CERS2: variants seen among roughly 807,000 people sequenced by gnomAD.
The protein encoded by CERS2 is ceramide synthase 2.
A neutral mutation model predicts 56.6 loss-of-function variants in CERS2; 20 were observed. That is an observed-to-expected ratio of 0.35 (90% confidence interval 0.25 to 0.51). CERS2 has a LOEUF of 0.51. Among genes scored for constraint, CERS2 ranks in the 20% least tolerant of loss-of-function variants. The pLI, the probability that CERS2 is intolerant of heterozygous loss-of-function variation, is 0.96. For missense variants in CERS2, 361 were observed against 488.6 expected (o/e 0.74, Z 2.46); for synonymous variants, 187 against 175.4 (o/e 1.07, Z -0.52).
intron 1 of CERS2, 177 bp downstream of exon 1, chr1:150,974,442 G>T (rs1177402282): frequency 6.7e-6 from 1 of 148,398 alleles, no homozygotes; most frequent in South Asian, 1.9e-4. Context: ...CCGCCGCCAT[G>T]AGCGCCCGCA....
At chr1:150,966,407 A>C (rs769422073) in intron 10 of CERS2, 69 bp downstream of exon 10, 10 of 1,601,392 alleles carry the variant, frequency 6.2e-6, no homozygotes, top group Non-Finnish European at 8.5e-6. Flanking sequence ...TTAGAGAGTT[A>C]CTGGCAAGAT....
At position 150,967,471 on chromosome 1, in the gene CERS2, G is replaced by C; in HGVS notation, c.533C>G (p.Ser178Cys). Residue 178 changes from serine (S) to cysteine (C), a missense_variant, in exon 7 of 11, where the codon TCC (serine) becomes TGC (cysteine). Physicochemically the swap from Ser to Cys is moderately radical, Grantham distance 112. Transcript: ENST00000368954. ...TTCAATCATGTAGTACCAATACTGGGAAGGGATAGTGCTCTGGGAGAGGAG... is the reference window on the plus strand; with the variant it reads ...TTCAATCATGTAGTACCAATACTGGCAAGGGATAGTGCTCTGGGAGAGGAG... ...EGYPIQSTIP[S>C]QYWYYMIELS... 1 of 1,587,354 alleles carries C rather than the reference G, an allele frequency of 6.3e-7. No individual in the cohort carries two copies.
chr1:150,967,461 C>T lies in CERS2; in HGVS notation c.543G>A (p.Trp181Ter). The T allele has an allele frequency of 6.3e-7, 1 of 1,595,958 alleles. No individual in the cohort carries two copies. The highest frequency in any genetic ancestry group is 8.6e-7 in the Non-Finnish European group (1 of 1,163,502). Reference protein sequence around the residue: ...PIQSTIPSQYWYYMIELSFYW... With the variant: ...PIQSTIPSQY Reference sequence around the variant, plus strand: ...AGAAGGAAAGTTCAATCATGTAGTACCAATACTGGGAAGGGATAGTGCTCT... The same window carrying T: ...AGAAGGAAAGTTCAATCATGTAGTATCAATACTGGGAAGGGATAGTGCTCT... The change falls in exon 7 of 11, where the codon TGG (tryptophan) becomes TGA (stop). Residue 181 changes from tryptophan to a stop codon, truncating the protein, a stop_gained. Coordinates refer to ENST00000368954, the MANE Select transcript of CERS2 (RefSeq NM_022075.5). LOFTEE classifies it high-confidence loss of function.
intron 3 of CERS2, 22 bp from the exon 4 acceptor site, chr1:150,968,223 ATTG>A (rs1452313522): frequency 1.2e-6 from 2 of 1,604,876 alleles, no homozygotes; most frequent in Middle Eastern, 1.7e-4. Flanking sequence ...GAAGAAGCCC[ATTG>A]TTATGTTTAC....
rs760253427 is a variant in CERS2, at chr1:150,967,470, G to C, written c.534C>G (p.Ser178=). Residue 178 remains serine, a synonymous_variant, in exon 7 of 11, where the codon TCC becomes TCG. Transcript: ENST00000368954. ...GTTCAATCATGTAGTACCAATACTG[G>C]GAAGGGATAGTGCTCTGGGAGAGGA... The part of the protein sequence containing the change: ...EGYPIQSTIP[S]QYWYYMIELS... The C allele has an allele frequency of 6.3e-7, 1 of 1,587,302 alleles. No homozygotes were observed. Among genetic ancestry groups the C allele is most frequent in the Admixed American group, 1.7e-5 (1 of 59,968 alleles).
At position 150,965,599 on chromosome 1, in the gene CERS2, G is replaced by GCCTAC. The variant is rs1415398455; in HGVS notation, c.*548_*549insGTAGG. 1 of 152,924 alleles carries GCCTAC rather than the reference G, an allele frequency of 6.5e-6. No homozygotes were observed. The highest frequency in any genetic ancestry group is 1.5e-5 in the Non-Finnish European group (1 of 68,328). 9.5% of individuals were successfully genotyped at this position (152,924 alleles called of 1,614,324 possible). ...AGTACAGCCCCCACTTTTTGGCAGA[G>GCCTAC]GTAGGGTAAGGGTTATGTGCACCCT... On this transcript the variant is annotated 3_prime_UTR_variant, in exon 11 of 11. Transcript: ENST00000368954.
chr1:150,966,976 T>C, intron 8 of CERS2, 98 bp downstream of exon 8: 2 of 1,504,306 alleles, frequency 1.3e-6, no homozygotes, highest in Middle Eastern at 2.1e-4. Context: ...GTCCCAGGAA[T>C]GTCATCCTCC....
At position 150,965,795 on chromosome 1, in the gene CERS2, CAA is replaced by C. The variant is rs1171359599; in HGVS notation, c.*351_*352del. On this transcript the variant is annotated 3_prime_UTR_variant, in exon 11 of 11. Transcript: ENST00000368954. ...ACCCTGGCTCTGGAGGTCAGGGAGTCAAAGGCAAACAGCTGGGGCCAAATTCT... is the reference window on the plus strand; with the variant it reads ...ACCCTGGCTCTGGAGGTCAGGGAGTCAGGCAAACAGCTGGGGCCAAATTCT... 5.3e-6 allele frequency: 1 copy of C among 189,216 alleles called. No individual in the cohort carries two copies. Among genetic ancestry groups the C allele is most frequent in the Non-Finnish European group, 1.1e-5 (1 of 93,006 alleles). The allele number at this position is 189,216 out of a possible 1,614,324, so 11.7% of individuals were successfully genotyped here. A position where few individuals can be genotyped will look rare whatever the true frequency, so the allele number is the denominator to read the frequency against.
intron 2 of CERS2, 128 bp from the exon 3 acceptor site, chr1:150,968,640 C>G: frequency 1.3e-6 from 1 of 785,084 alleles, no homozygotes; most frequent in Non-Finnish European, 2.1e-6. Flanking sequence ...GCCTCCAGGG[C>G]TGCCCACAGC....
At chr1:150,970,955 G>A (rs1228306846) in intron 1 of CERS2, among the ~76,000 whole-genome samples, 2 of 152,138 alleles carry the variant, frequency 1.3e-5, no homozygotes, top group Admixed American at 6.5e-5. Context: ...TGGTGGGAGT[G>A]ACCACTTGGA....
chr1:150,966,403 A>G (rs1671017330), intron 10 of CERS2, 73 bp downstream of exon 10: 1 of 1,599,182 alleles, frequency 6.3e-7, no homozygotes. Context: ...TTTTTTAGAG[A>G]GTTACTGGCA....
rs1248714857 is a variant in CERS2 at position 150,969,024 on chromosome 1, C to A, written c.67G>T (p.Ala23Ser). The A allele has an allele frequency of 3.4e-5, 55 of 1,613,912 alleles. No individual in the cohort carries two copies. Among genetic ancestry groups the A allele is most frequent in the Non-Finnish European group, 4.7e-5 (55 of 1,180,026 alleles). ...RLWLPVNLTW[A>S]DLEDRDGRVY... Reference sequence around the variant, plus strand: ...CGTCCATCTCGGTCTTCTAGATCGGCCCAGGTCAAGTTCACAGGCAGCCAC... The same window carrying A: ...CGTCCATCTCGGTCTTCTAGATCGGACCAGGTCAAGTTCACAGGCAGCCAC... Residue 23 changes from alanine (A) to serine (S), a missense_variant, in exon 2 of 11, where the codon GCC becomes TCC. By Grantham distance (99) the Ala-to-Ser change is moderately conservative. This residue lies in a region of CERS2 where 236 missense variants were observed against 309.2 expected (regional missense o/e 0.76). Transcript: ENST00000368954.
At chr1:150,974,224 C>T (rs1671259853) in intron 1 of CERS2, 1 of 152,248 alleles carries the variant, frequency 6.6e-6, no homozygotes, top group Non-Finnish European at 1.5e-5. Flanking sequence ...GCTCTCGCGC[C>T]AATGGTCACC....
Position 150,966,246 on chromosome 1 carries a change from A to G in CERS2, c.1045T>C (p.Ser349Pro). The G allele has an allele frequency of 6.2e-7, 1 of 1,610,486 alleles. No individual in the cohort carries two copies. ...ERSDREETES[S>P]EGEEAAAGGG... ...CCAGCTGCAGCCTCCTCCCCCTCTG[A>G]GCTCTCTGTTTCTTCCCGGTCACTG... The change falls in exon 11 of 11, where the codon TCA (serine) becomes CCA (proline). Residue 349 changes from serine (S) to proline (P), a missense_variant. Ser to Pro is a moderately conservative substitution (Grantham distance 74). Coordinates refer to ENST00000368954, the MANE Select transcript of CERS2 (RefSeq NM_022075.5).
intron 1 of CERS2, among the ~76,000 whole-genome samples, chr1:150,970,793 C>T (rs967114023): frequency 6.6e-6 from 1 of 152,208 alleles, no homozygotes; most frequent in African/African-American, 2.4e-5. Context: ...GCTGGGATTA[C>T]AGGCATGAGC....
At chr1:150,967,270 T>G (rs1337090440) in intron 7 of CERS2, 68 bp from the exon 8 acceptor site, 17 of 1,550,126 alleles carry the variant, frequency 1.1e-5, no homozygotes, top group Non-Finnish European at 1.5e-5. Context: ...TTCTTACCCC[T>G]TGCCTTTGGT....
chr1:150,974,231 C>T (rs1429602741), intron 1 of CERS2: 1 of 152,226 alleles, frequency 6.6e-6, no homozygotes, highest in African/African-American at 2.4e-5. Flanking sequence ...CGCCAATGGT[C>T]ACCAAGCTCC....
chr1:150,972,912 G>A (rs116081146), intron 1 of CERS2, among the ~76,000 whole-genome samples: 517 of 152,332 alleles, frequency 3.4e-3, no homozygotes, highest in African/African-American at 0.011. Context: ...CCAAACGGCT[G>A]AGAAGGCAGA....
Position 150,968,532 on chromosome 1 carries a change from A to G in CERS2, c.174-20T>C. ...ACGTACCTGGGGAAGGGATATGAGT[A>G]AGGTATCTAGCTTGCTGGGAAGGGA... On this transcript the variant is annotated intron_variant, in intron 2 of 10. Transcript: ENST00000368954. The G allele has an allele frequency of 1.3e-6, 2 of 1,560,162 alleles. No individual in the cohort carries two copies. Among genetic ancestry groups the G allele is most frequent in the South Asian group, 1.1e-5 (1 of 90,008 alleles).
Sources: allele counts gnomAD v4.1 joint callset (sites outside exome capture counted in the v4.1 genomes callset), GRCh38; gene constraint gnomAD v4.1.1; regional missense constraint gnomAD v4.1.1; transcripts MANE v1.5; gene names NCBI Gene and HGNC (gene_info 2026-07-23, HGNC 2026-07-21).